The following MYOM1 variants were observed in gnomAD, a reference collection of about 807,000 sequenced individuals.
MYOM1 encodes myomesin-1.
A neutral mutation model predicts 205.3 loss-of-function variants in MYOM1; 164 were observed. The ratio of observed to expected loss-of-function variants is 0.80; its 90% CI spans 0.70 to 0.91. MYOM1 has a LOEUF of 0.91. MYOM1 is among the 40% of genes least tolerant of loss of function. The pLI, the probability that MYOM1 is intolerant of heterozygous loss-of-function variation, is 0.00. For synonymous variants in MYOM1, 772 were observed against 789.4 expected, an observed-to-expected ratio of 0.98 and a Z score of 0.37; for missense variants, 2,011 against 2,127.3, an observed-to-expected ratio of 0.95 and a Z score of 1.08.
At chr18:3,193,224 T>C (rs558265567) in intron 3 of MYOM1, among the ~76,000 whole-genome samples, 45 of 151,868 alleles carry the variant, frequency 3.0e-4, no homozygotes, top group African/African-American at 1.1e-3. Flanking sequence ...CAGTGAGCTA[T>C]GTTTGTGCCA....
rs534589226 is a variant in MYOM1, at chr18:3,214,806, A to G, written c.290+128T>C. 2.1e-4 allele frequency: 220 copies of G among 1,055,726 alleles called. No homozygotes were observed. In the South Asian group the frequency reaches 3.6e-3, roughly 17 times the overall value. 65.4% of individuals were successfully genotyped at this position (1,055,726 alleles called of 1,614,324 possible). On this transcript the variant is annotated intron_variant, in intron 2 of 37. Transcript: ENST00000356443. ...ACGCCATTGCACTCCAGCCTGGGCAACAAGAGCGAAACTCTGTCTCAAAAA... is the reference window on the plus strand; with the variant it reads ...ACGCCATTGCACTCCAGCCTGGGCAGCAAGAGCGAAACTCTGTCTCAAAAA...
chr18:3,086,225 C>A (rs536547262), intron 29 of MYOM1, 74 bp from the exon 30 acceptor site: 2 of 800,426 alleles, frequency 2.5e-6, no homozygotes, highest in Admixed American at 3.0e-5. Context: ...GTTCTTAATG[C>A]AGCAAGATAT....
intron 23 of MYOM1, among the ~76,000 whole-genome samples, chr18:3,101,153 T>C (rs2079370558): frequency 6.6e-6 from 1 of 152,218 alleles, no homozygotes; most frequent in African/African-American, 2.4e-5. Flanking sequence ...ATTTACAGCA[T>C]GGTGGCAGAA....
At chr18:3,139,840 G>A (rs1019335390) in intron 14 of MYOM1, among the ~76,000 whole-genome samples, 3 of 152,022 alleles carry the variant, frequency 2.0e-5, no homozygotes, top group Non-Finnish European at 4.4e-5. Flanking sequence ...TTTAGGTCGA[G>A]GGAAGTTATA....
chr18:3,156,190 C>T (rs1330731655), intron 10 of MYOM1, among the ~76,000 whole-genome samples: 1 of 152,136 alleles, frequency 6.6e-6, no homozygotes, highest in African/African-American at 2.4e-5. Context: ...CCCACATTTG[C>T]CAATTCCTCC....
chr18:3,160,386 A>G (rs969119570), intron 10 of MYOM1, among the ~76,000 whole-genome samples: 1 of 151,914 alleles, frequency 6.6e-6, no homozygotes, highest in Non-Finnish European at 1.5e-5. Flanking sequence ...GGGTCTTGCT[A>G]TGTGGCCCAG....
At chr18:3,237,900 A>T in the MYOM1 span, among the ~76,000 whole-genome samples, 1 of 152,146 alleles carries the variant, frequency 6.6e-6, no homozygotes, top group Non-Finnish European at 1.5e-5. Flanking sequence ...AATATATTTA[A>T]TCCACTAAGC....
At chr18:3,094,044 G>T in intron 26 of MYOM1, 126 bp downstream of exon 26, 1 of 888,896 alleles carries the variant, frequency 1.1e-6, no homozygotes, top group South Asian at 2.2e-5. Context: ...TCACTTGTGA[G>T]AAGGATTTAA....
intron 16 of MYOM1, among the ~76,000 whole-genome samples, chr18:3,133,018 A>G (rs556708687): frequency 1.3e-5 from 2 of 152,156 alleles, no homozygotes; most frequent in African/African-American, 4.8e-5. Flanking sequence ...TTGCTTCAGC[A>G]AAGATTTATT....
chr18:3,221,629 C>T (rs16944526), upstream of MYOM1, among the ~76,000 whole-genome samples: 7,637 of 152,272 alleles, frequency 0.05, 608 homozygotes, highest in African/African-American at 0.17. Context: ...ATTGCTGGCT[C>T]CTCCAGTGGC....
chr18:3,079,263 T>G lies in MYOM1; in HGVS notation c.4564A>C (p.Thr1522Pro), dbSNP rs1160955298. ...EQIWLQINEP[T>P]PNDKGKYVME... ...ACATACTTCCCTTTGTCATTCGGGG[T>G]GGGCTCGTTGATTTGTAGCCAGATC... Residue 1522 changes from threonine (T) to proline (P), a missense_variant, in exon 34 of 38, where the codon ACC becomes CCC. Coordinates refer to ENST00000356443, the MANE Select transcript of MYOM1 (RefSeq NM_003803.4). 5 of 1,613,890 alleles carry G rather than the reference T, an allele frequency of 3.1e-6. No individual in the cohort carries two copies. Among genetic ancestry groups the G allele is most frequent in the Non-Finnish European group, 4.2e-6 (5 of 1,179,868 alleles).
the MYOM1 span, among the ~76,000 whole-genome samples, chr18:3,229,386 A>G: frequency 1.4e-3 from 185 of 136,456 alleles, no homozygotes; most frequent in African/African-American, 4.9e-3. Context: ...AACCCAAGAG[A>G]AAAAAAAAAA....
chr18:3,075,765 TAAAAGAA>T lies in MYOM1; in HGVS notation c.4649-11_4649-5del. 6.3e-7 allele frequency: 1 copy of T among 1,581,578 alleles called. No homozygotes were observed. Among genetic ancestry groups the T allele is most frequent in the Non-Finnish European group, 8.6e-7 (1 of 1,162,376 alleles). ...TCAGCATAGGCCTCATCGTATGCTT[TAAAAGAA>T]AAAAGAAAAGTTAGAATTTTCTCAC... On this transcript the variant is annotated splice_polypyrimidine_tract_variant and splice_region_variant and intron_variant, in intron 34 of 37. Transcript: ENST00000356443.
intron 23 of MYOM1, among the ~76,000 whole-genome samples, chr18:3,101,109 C>A (rs538607801): frequency 5.1e-4 from 77 of 152,268 alleles, no homozygotes; most frequent in African/African-American, 1.8e-3. Flanking sequence ...GTTCAATTAT[C>A]TTTTCTTGGG....
At chr18:3,076,775 G>A (rs1190540538) in intron 34 of MYOM1, among the ~76,000 whole-genome samples, 21 of 150,556 alleles carry the variant, frequency 1.4e-4, no homozygotes, top group African/African-American at 4.9e-4. Context: ...GTGCAGTGGC[G>A]AGATCTCGGC....
chr18:3,129,492 G>C lies in MYOM1; in HGVS notation c.2534C>G (p.Pro845Arg). The change falls in exon 18 of 38, where the codon CCC (proline) becomes CGC (arginine). Residue 845 changes from proline (P) to arginine (R), a missense_variant. Pro to Arg is a moderately radical substitution (Grantham distance 103, BLOSUM62 -2). Coordinates refer to ENST00000356443, the MANE Select transcript of MYOM1 (RefSeq NM_003803.4). ...IGGGVSPDVC[P>R]ALSDEPGGLT... is the part of the protein sequence containing the mutation. ...TCCACCAGGCTCATCGCTCAGTGCG[G>C]GACACACATCTGGAGACACTCCTCC... is the stretch of plus-strand genomic sequence containing the variant. 6.2e-7 allele frequency: 1 copy of C among 1,613,424 alleles called. No individual in the cohort carries two copies. The highest frequency in any genetic ancestry group is 8.5e-7 in the Non-Finnish European group (1 of 1,179,594).
chr18:3,145,480 A>G (rs1415810585), intron 13 of MYOM1, among the ~76,000 whole-genome samples: 1 of 152,204 alleles, frequency 6.6e-6, no homozygotes, highest in African/African-American at 2.4e-5. Context: ...AATAAGAGAA[A>G]TATACTTGGG....
At chr18:3,074,701 A>G (rs986421115) in intron 36 of MYOM1, among the ~76,000 whole-genome samples, 2 of 152,204 alleles carry the variant, frequency 1.3e-5, no homozygotes, top group African/African-American at 4.8e-5. Context: ...CTTATTTGGT[A>G]GCTTTTATCT....
rs10468644 is a variant in MYOM1, at chr18:3,135,098, T to C, written c.2210-274A>G. 201,861 of 382,904 alleles carry C rather than the reference T, an allele frequency of 0.53. 55,927 individuals carry two copies. The highest frequency in any genetic ancestry group is 0.89 in the East Asian group (15,596 of 17,510). The allele number at this position is 382,904 out of a possible 1,614,324, so 23.7% of individuals were successfully genotyped here. On this transcript the variant is annotated intron_variant, in intron 15 of 37. Coordinates refer to ENST00000356443, the MANE Select transcript of MYOM1 (RefSeq NM_003803.4). This position sits in a 1 kb window ranked among gnomAD's most constrained non-coding sequence, Gnocchi z 4.1. The stretch of plus-strand genomic sequence containing the variant: ...TGAGTAGCTGGAATTACCAGGCATG[T>C]GCCACAACGCCTGGCTAATTTTTGT...
Sources: gnomAD v4.1 joint callset for allele counts (sites outside exome capture counted in the v4.1 genomes callset) on GRCh38, gnomAD v4.1.1 for gene constraint, Gnocchi (gnomAD v3.1) non-coding constraint, MANE v1.5 for transcripts, NCBI Gene and HGNC (gene_info 2026-07-23, HGNC 2026-07-21) for gene names.